Variants in FGGY observed in about 807,000 individuals in gnomAD.
The protein encoded by FGGY is FGGY carbohydrate kinase domain-containing protein.
A neutral mutation model predicts 71.3 loss-of-function variants in FGGY; 72 were observed. The observed-to-expected ratio is 1.01, with a 90% CI of 0.84 to 1.23. FGGY has a LOEUF of 1.23. FGGY is among the 50% of genes most tolerant of loss of function. FGGY has a pLI of 0.00. For synonymous variants in FGGY, 251 were observed against 250.3 expected, an observed-to-expected ratio of 1.00 and a Z score of -0.02; for missense variants, 668 against 682.3, an observed-to-expected ratio of 0.98 and a Z score of 0.23.
intron 8 of FGGY, among the ~76,000 whole-genome samples, chr1:59,563,132 T>C (rs1044421176): frequency 1.3e-5 from 2 of 152,202 alleles, no homozygotes; most frequent in African/African-American, 4.8e-5. Context: ...TCCAATAGTA[T>C]GTTGAATAGG....
At chr1:59,689,528 A>T (rs968906355) in intron 14 of FGGY, among the ~76,000 whole-genome samples, 28 of 152,130 alleles carry the variant, frequency 1.8e-4, no homozygotes, top group Non-Finnish European at 2.5e-4. Context: ...ACTGTCTTTT[A>T]AAAAAATGTT....
intron 7 of FGGY, among the ~76,000 whole-genome samples, chr1:59,514,992 G>A (rs997122633): frequency 1.2e-4 from 18 of 152,202 alleles, no homozygotes; most frequent in African/African-American, 4.1e-4. Context: ...CTCATAGAGG[G>A]AAGAGACTTG....
intron 9 of FGGY, among the ~76,000 whole-genome samples, chr1:59,610,871 C>T (rs573143433): frequency 9.8e-5 from 15 of 152,376 alleles, no homozygotes; most frequent in South Asian, 2.1e-4. Context: ...TTATATCCTG[C>T]GCCTGGCTCA....
At chr1:59,685,635 C>G (rs1451028803) in intron 14 of FGGY, among the ~76,000 whole-genome samples, 1 of 152,148 alleles carries the variant, frequency 6.6e-6, no homozygotes, top group East Asian at 1.9e-4. Context: ...TATTTGTATT[C>G]AAAGTACTGC....
At chr1:59,594,308 G>A (rs1447067893) in intron 8 of FGGY, among the ~76,000 whole-genome samples, 1 of 152,202 alleles carries the variant, frequency 6.6e-6, no homozygotes, top group Non-Finnish European at 1.5e-5. Context: ...ATAGAGTGCA[G>A]AAAGTTAAAT....
chr1:59,346,061 G>A (rs1264277840), intron 3 of FGGY, among the ~76,000 whole-genome samples, 186 bp from the exon 4 acceptor site: 2 of 152,140 alleles, frequency 1.3e-5, no homozygotes, highest in African/African-American at 2.4e-5. Context: ...ATGACTGGAC[G>A]GGAAATTCCA....
chr1:59,580,786 C>T (rs2096179431), intron 8 of FGGY, among the ~76,000 whole-genome samples: 1 of 152,022 alleles, frequency 6.6e-6, no homozygotes, highest in Non-Finnish European at 1.5e-5. Context: ...CTCTTCATCA[C>T]AAAAAAAGTC....
chr1:59,638,292 G>A lies in FGGY; in HGVS notation c.1138G>A (p.Gly380Ser). The A allele has an allele frequency of 6.2e-7, 1 of 1,614,194 alleles. No individual in the cohort carries two copies. Residue 380 changes from glycine (G) to serine (S), a missense_variant, in exon 11 of 16, where the codon GGT (glycine) becomes AGT (serine). By Grantham distance (56) the Gly-to-Ser change is moderately conservative. Around this residue, in one of 2 missense-constraint regions of FGGY, gnomAD observed 661 missense variants for 661.6 expected, o/e 1.00. Transcript: ENST00000303721. ...TCTGATTAAGAAGGCTCAGCCTGTG[G>A]GTTTCCTTACTGTTGATTTACATGT... ...LDLIKKAQPV[G>S]FLTVDLHVWP...
intron 7 of FGGY, among the ~76,000 whole-genome samples, chr1:59,521,354 T>G (rs1248014589): frequency 6.6e-6 from 1 of 152,162 alleles, no homozygotes; most frequent in Non-Finnish European, 1.5e-5. Context: ...CAAGGCTTTC[T>G]TGGAGTGCTG....
At chr1:59,651,210 A>G (rs1427292547) in intron 11 of FGGY, among the ~76,000 whole-genome samples, 32 of 152,092 alleles carry the variant, frequency 2.1e-4, no homozygotes, top group African/African-American at 7.7e-4. Flanking sequence ...TGCGGTGCTG[A>G]AAAAAATGTA....
chr1:59,404,447 A>G (rs539356721), intron 5 of FGGY, among the ~76,000 whole-genome samples: 1 of 152,326 alleles, frequency 6.6e-6, no homozygotes, highest in South Asian at 2.1e-4. Context: ...ATAGACTACT[A>G]AATAAATCAA....
intron 1 of FGGY, among the ~76,000 whole-genome samples, chr1:59,302,342 AT>A (rs1279071256): frequency 1.3e-5 from 2 of 152,154 alleles, no homozygotes; most frequent in Non-Finnish European, 2.9e-5. Flanking sequence ...ATTATGTAGA[AT>A]TGGTATTTTT....
At chr1:59,506,546 C>G (rs1477728951) in intron 6 of FGGY, among the ~76,000 whole-genome samples, 2 of 152,190 alleles carry the variant, frequency 1.3e-5, no homozygotes, top group Non-Finnish European at 2.9e-5. Flanking sequence ...TGCCTGTAAT[C>G]CCAGCATTTT....
intron 6 of FGGY, among the ~76,000 whole-genome samples, chr1:59,463,123 C>T (rs2092369555): frequency 6.6e-6 from 1 of 150,754 alleles, no homozygotes; most frequent in Non-Finnish European, 1.5e-5. Context: ...GAATACTATG[C>T]AGCCTATACA....
chr1:59,497,045 A>T (rs2094058819), intron 6 of FGGY, among the ~76,000 whole-genome samples: 1 of 152,248 alleles, frequency 6.6e-6, no homozygotes. Context: ...TGAAACAGGT[A>T]AGCATTCAGG....
At chr1:59,622,858 ACTC>A (rs2096823559) in intron 9 of FGGY, among the ~76,000 whole-genome samples, 1 of 151,450 alleles carries the variant, frequency 6.6e-6, no homozygotes, top group Non-Finnish European at 1.5e-5. Flanking sequence ...CCTTGTGTCT[ACTC>A]CTCTCCAGTT....
At chr1:59,496,483 A>G (rs932562049) in intron 6 of FGGY, among the ~76,000 whole-genome samples, 1 of 152,156 alleles carries the variant, frequency 6.6e-6, no homozygotes, top group African/African-American at 2.4e-5. Context: ...CACCAAGTAC[A>G]TATGAACACA....
chr1:59,653,593 G>T (rs2097189275), intron 11 of FGGY, among the ~76,000 whole-genome samples: 1 of 152,228 alleles, frequency 6.6e-6, no homozygotes, highest in Admixed American at 6.5e-5. Context: ...GTGAGGCAAT[G>T]CCTCGCCCTG....
intron 5 of FGGY, among the ~76,000 whole-genome samples, chr1:59,408,491 C>G (rs2063099510): frequency 6.6e-6 from 1 of 152,130 alleles, no homozygotes; most frequent in Non-Finnish European, 1.5e-5. Flanking sequence ...CTTATCTTAG[C>G]TATTCTTATT....
Sources: gnomAD v4.1 joint callset for allele counts (sites outside exome capture counted in the v4.1 genomes callset) on GRCh38, gnomAD v4.1.1 for gene constraint, gnomAD v4.1.1 regional missense constraint, MANE v1.5 for transcripts, NCBI Gene and HGNC (gene_info 2026-07-23, HGNC 2026-07-21) for gene names.